CYP46A1: variants seen among roughly 807,000 people sequenced by gnomAD.
The protein encoded by CYP46A1 is cholesterol 24-hydroxylase.
CYP46A1 carries 20 observed loss-of-function variants against 63.3 expected under a neutral mutation model. The ratio of observed to expected loss-of-function variants is 0.32; its 90% CI spans 0.22 to 0.46. The LOEUF is 0.46. CYP46A1 is among the 20% of genes least tolerant of loss of function. The pLI, the probability that CYP46A1 is intolerant of heterozygous loss-of-function variation, is 1.00. For missense variants in CYP46A1, 445 were observed against 670.8 expected (o/e 0.66, Z 3.72); for synonymous variants, 268 against 273.6 (o/e 0.98, Z 0.20).
At chr14:99,697,678 G>A (rs894644160) in intron 3 of CYP46A1, among the ~76,000 whole-genome samples, 5 of 152,252 alleles carry the variant, frequency 3.3e-5, no homozygotes, top group South Asian at 4.2e-4. Context: ...TCTCCTTCCC[G>A]GGTGGAAGTG....
At chr14:99,692,785 G>A (rs769118309) in intron 3 of CYP46A1, among the ~76,000 whole-genome samples, 1 of 151,876 alleles carries the variant, frequency 6.6e-6, no homozygotes, top group Non-Finnish European at 1.5e-5. Context: ...AGCTGAGATC[G>A]TGCCACAGCA....
intron 3 of CYP46A1, among the ~76,000 whole-genome samples, chr14:99,697,733 G>A (rs1186530505): frequency 6.6e-6 from 1 of 152,154 alleles, no homozygotes; most frequent in East Asian, 1.9e-4. Context: ...AAGGCACTGG[G>A]GGTTCCCTGT....
At chr14:99,699,975 C>T in intron 4 of CYP46A1, 40 bp from the exon 5 acceptor site, 4 of 501,828 alleles carry the variant, frequency 8.0e-6, no homozygotes, top group South Asian at 2.0e-5. Context: ...GCTCCCCACC[C>T]CCCACCCTCT....
intron 3 of CYP46A1, among the ~76,000 whole-genome samples, chr14:99,694,591 C>T (rs1230516433): frequency 1.3e-5 from 2 of 151,766 alleles, no homozygotes; most frequent in Non-Finnish European, 2.9e-5. Context: ...CCTCTGCCTC[C>T]CAGGTTCAAG....
At position 99,700,005 on chromosome 14, in the gene CYP46A1, T is replaced by C; in HGVS notation, c.357-10T>C. On this transcript the variant is annotated splice_polypyrimidine_tract_variant and intron_variant, in intron 4 of 14. Coordinates refer to ENST00000261835, the MANE Select transcript of CYP46A1 (RefSeq NM_006668.2). ...CCCTCTTTCCCGCATCACGTGTGTG[T>C]CTCCTACAGACTCTTCGGCCAAGGC... 2.4e-6 allele frequency: 3 copies of C among 1,232,234 alleles called. No homozygotes were observed. The highest frequency in any genetic ancestry group is 2.2e-6 in the Non-Finnish European group (2 of 921,288). The allele number at this position is 1,232,234 out of a possible 1,614,324, so 76.3% of individuals were successfully genotyped here.
At chr14:99,718,490 C>T (rs944028763) in intron 10 of CYP46A1, among the ~76,000 whole-genome samples, 10 of 152,208 alleles carry the variant, frequency 6.6e-5, no homozygotes, top group South Asian at 2.1e-4. Context: ...CTCCCCACAG[C>T]GTACCCAGTG....
chr14:99,725,258 A>AG lies in CYP46A1; in HGVS notation c.1177-129dup. On this transcript the variant is annotated intron_variant, in intron 12 of 14. Transcript: ENST00000261835. The surrounding 1 kb of genome is among the most constrained non-coding windows in gnomAD (Gnocchi z 4.2). ...AGTGCAATGGACACCAACCTAGATG[A>AG]GGGGTGAAGACATGGGGGGAGGAGA... The AG allele has an allele frequency of 3.0e-6, 2 of 672,792 alleles. No homozygotes were observed. The highest frequency in any genetic ancestry group is 3.5e-5 in the South Asian group (2 of 56,540). 41.7% of individuals were successfully genotyped at this position (672,792 alleles called of 1,614,324 possible).
rs200569884 is a variant in CYP46A1 at position 99,691,134 on chromosome 14, G to C, written c.173G>C (p.Arg58Pro). 6.2e-7 allele frequency: 1 copy of C among 1,614,120 alleles called. No homozygotes were observed. Among genetic ancestry groups the C allele is most frequent in the South Asian group, 1.1e-5 (1 of 91,066 alleles). The change falls in exon 2 of 15, where the codon CGT becomes CCT. Residue 58 changes from arginine (R) to proline (P), a missense_variant. Arg to Pro is a moderately radical substitution (Grantham distance 103). This residue lies in a region of CYP46A1 where 252 missense variants were observed against 383.3 expected (regional missense o/e 0.66). Transcript: ENST00000261835. ...CFWKKDEVGG[R>P]VLQDVFLDWA... is the part of the protein sequence containing the mutation. ...TGGAAAAAGGATGAGGTTGGTGGCCGTGTGCTCCAAGATGTGTTTTTGGAT... is the reference window on the plus strand; with the variant it reads ...TGGAAAAAGGATGAGGTTGGTGGCCCTGTGCTCCAAGATGTGTTTTTGGAT...
intron 3 of CYP46A1, 150 bp from the exon 4 acceptor site, chr14:99,699,316 T>C (rs1046929248): frequency 7.9e-6 from 6 of 757,598 alleles, no homozygotes; most frequent in African/African-American, 5.1e-5. Flanking sequence ...TACTTGAAGA[T>C]AGGGACGATT....
chr14:99,726,686 C>T lies in CYP46A1; in HGVS notation c.1462C>T (p.Pro488Ser), dbSNP rs2056903781. 3 of 1,548,290 alleles carry T rather than the reference C, an allele frequency of 1.9e-6. No homozygotes were observed. Among genetic ancestry groups the T allele is most frequent in the South Asian group, 1.2e-5 (1 of 83,806 alleles). Residue 488 changes from proline to serine, a missense_variant, in exon 15 of 15, where the codon CCC (proline) becomes TCC (serine). Coordinates refer to ENST00000261835, the MANE Select transcript of CYP46A1 (RefSeq NM_006668.2). ...GGACCCCGTGCTGTGCACCCTGCGG[C>T]CCCGCGGCTGGCAGCCCGCACCCCC... Reference protein sequence around the residue: ...PLDPVLCTLRPRGWQPAPPPP... With the variant: ...PLDPVLCTLRSRGWQPAPPPP...
intron 5 of CYP46A1, among the ~76,000 whole-genome samples, chr14:99,704,002 A>G (rs986138987): frequency 3.3e-5 from 5 of 152,208 alleles, no homozygotes; most frequent in Non-Finnish European, 7.3e-5. Context: ...GTTATGGGAA[A>G]CATCAATTCT....
chr14:99,710,228 TAAACAG>T (rs1188123225), intron 7 of CYP46A1: 3 of 152,184 alleles, frequency 2.0e-5, no homozygotes, highest in Admixed American at 6.5e-5. Context: ...ACTGCAATGA[TAAACAG>T]TAAGAGAGGA....
At position 99,726,600 on chromosome 14, in the gene CYP46A1, A is replaced by T. The variant is rs138751864; in HGVS notation, c.1376A>T (p.Glu459Val). The T allele has an allele frequency of 1.7e-5, 27 of 1,589,368 alleles. No individual in the cohort carries two copies. Among genetic ancestry groups the T allele is most frequent in the Middle Eastern group, 2.1e-4 (1 of 4,752 alleles). Residue 459 changes from glutamate to valine, a missense_variant, in exon 15 of 15, where the codon GAG (glutamate) becomes GTG (valine). Transcript: ENST00000261835. Reference sequence around the variant, plus strand: ...ATGGCAAAGCTGCTGCAGAGGCTGGAGTTCCGGCTGGTGCCCGGGCAGCGC... The same window carrying T: ...ATGGCAAAGCTGCTGCAGAGGCTGGTGTTCCGGCTGGTGCCCGGGCAGCGC... ...VVMAKLLQRL[E>V]FRLVPGQRFG...
rs934892644 is a variant in CYP46A1, at chr14:99,691,218, C to T, written c.200+57C>T. ...CTCCAGGTTCCCTTGGGGCAGCTCC[C>T]CCAACCCAATCCAGCACACAGACTC... is the stretch of plus-strand genomic sequence containing the variant. On this transcript the variant is annotated intron_variant, in intron 2 of 14. Coordinates refer to ENST00000261835, the MANE Select transcript of CYP46A1 (RefSeq NM_006668.2). 2.9e-5 allele frequency: 45 copies of T among 1,557,624 alleles called. No homozygotes were observed. The Middle Eastern group carries it at 1.2e-3, about 40-fold the overall frequency.
At chr14:99,724,516 G>A (rs548419420) in intron 12 of CYP46A1, among the ~76,000 whole-genome samples, 1 of 152,322 alleles carries the variant, frequency 6.6e-6, no homozygotes, top group Admixed American at 6.5e-5. Context: ...TCAGCCTGGG[G>A]GTGCCACCCT....
At chr14:99,687,861 G>A (rs530323905) in intron 1 of CYP46A1, among the ~76,000 whole-genome samples, 11 of 152,234 alleles carry the variant, frequency 7.2e-5, no homozygotes, top group South Asian at 4.1e-4. Flanking sequence ...CTGCCGGGGC[G>A]CTGAGCAACA....
chr14:99,723,377 C>T (rs1056354851), intron 12 of CYP46A1, among the ~76,000 whole-genome samples: 9 of 152,198 alleles, frequency 5.9e-5, no homozygotes, highest in South Asian at 2.1e-4. Context: ...GGCGCCATCT[C>T]GGCTCACTGC....
chr14:99,711,786 C>T (rs924891128), intron 7 of CYP46A1: 3 of 152,034 alleles, frequency 2.0e-5, no homozygotes, highest in African/African-American at 7.2e-5. Context: ...GAGGCCAGCA[C>T]TACCCTACCC....
intron 5 of CYP46A1, chr14:99,703,762 G>A: frequency 1.0e-6 from 1 of 955,530 alleles, no homozygotes; most frequent in Non-Finnish European, 1.2e-6. Context: ...CCCTGTCCCT[G>A]AGTCCTGCGC....
Sources: allele counts gnomAD v4.1 joint callset (sites outside exome capture counted in the v4.1 genomes callset), GRCh38; gene constraint gnomAD v4.1.1; regional missense constraint gnomAD v4.1.1; non-coding constraint Gnocchi (gnomAD v3.1); transcripts MANE v1.5; gene names NCBI Gene and HGNC (gene_info 2026-07-23, HGNC 2026-07-21).